PRMT9: variants seen among roughly 807,000 people sequenced by gnomAD.
PRMT9 encodes the protein protein arginine methyltransferase 9.
A neutral mutation model predicts 83.2 loss-of-function variants in PRMT9; 59 were observed. The observed-to-expected ratio is 0.71, with a 90% CI of 0.57 to 0.88. The LOEUF (loss-of-function observed/expected upper bound fraction) is 0.88, where lower values mean the gene tolerates loss of function less well. Ranked by LOEUF, PRMT9 falls within the 40% of genes least tolerant of loss-of-function variation. The pLI is 0.00. For missense variants in PRMT9, 947 were observed against 1,021.9 expected, an observed-to-expected ratio of 0.93 and a Z score of 1.00; for synonymous variants, 333 against 353.2, an observed-to-expected ratio of 0.94 and a Z score of 0.64.
intron 1 of PRMT9, 79 bp downstream of exon 1, chr4:147,683,720 C>CGGTT: frequency 9.5e-7 from 1 of 1,049,862 alleles, no homozygotes; most frequent in Non-Finnish European, 1.4e-6. Flanking sequence ...AGCCCCTCCG[C>CGGTT]TTTTTTTTTT....
Position 147,653,937 on chromosome 4 carries a change from TG to T in PRMT9, c.1959del (p.Asp653GlufsTer6). On this transcript the variant is annotated frameshift_variant, in exon 9 of 12. Transcript: ENST00000322396. LOFTEE classifies it high-confidence loss of function. ...ESAMLQRPKS[D>X]KLWSIIILDV... ...TCCAATATAATTATGCTCCATAACT[TG>T]TCTGATTTTGGCCTTTGTAACATAG... 1 of 1,614,208 alleles carries T rather than the reference TG, an allele frequency of 6.2e-7. No individual in the cohort carries two copies. Among genetic ancestry groups the T allele is most frequent in the Non-Finnish European group, 8.5e-7 (1 of 1,180,018 alleles).
chr4:147,660,841 T>G lies in PRMT9; in HGVS notation c.1146+5A>C. The stretch of plus-strand genomic sequence containing the variant: ...GCTTGAAAATAGTAACTGAATTTTT[T>G]TCACCTGAAGGTTGTTGAAATCTAC... On this transcript the variant is annotated splice_donor_5th_base_variant and intron_variant, in intron 7 of 11. Coordinates refer to ENST00000322396, the MANE Select transcript of PRMT9 (RefSeq NM_138364.4). The G allele has an allele frequency of 6.2e-7, 1 of 1,603,162 alleles. No homozygotes were observed. The highest frequency in any genetic ancestry group is 1.1e-5 in the South Asian group (1 of 90,794).
chr4:147,677,672 G>C (rs1198859893), intron 2 of PRMT9, among the ~76,000 whole-genome samples: 1 of 151,832 alleles, frequency 6.6e-6, no homozygotes, highest in East Asian at 1.9e-4. Context: ...GGCCAGGCTG[G>C]TCTCGAACTC....
chr4:147,638,635 G>C lies in PRMT9; in HGVS notation c.2435C>G (p.Ala812Gly). 1.2e-6 allele frequency: 2 copies of C among 1,613,376 alleles called. No individual in the cohort carries two copies. The highest frequency in any genetic ancestry group is 1.7e-6 in the Non-Finnish European group (2 of 1,179,366). ...GATGGGATTATCTAAAACAACTGCA[G>C]CTTGTTTCCAGTGGGAGGCTTCACT... Reference protein sequence around the residue: ...TSSEASHWKQAAVVLDNPIQV... With the variant: ...TSSEASHWKQGAVVLDNPIQV... The change falls in exon 12 of 12, where the codon GCT becomes GGT. Residue 812 changes from alanine (A) to glycine (G), a missense_variant. By Grantham distance (60) the Ala-to-Gly change is moderately conservative. Transcript: ENST00000322396.
At chr4:147,683,733 CTGTT>C (rs2126646200) in intron 1 of PRMT9, 62 bp downstream of exon 1, 316 of 487,120 alleles carry the variant, frequency 6.5e-4, no homozygotes, top group East Asian at 1.7e-3. Flanking sequence ...TTTTTTTTTT[CTGTT>C]TTTTTTTTTT....
In PRMT9 at chr4:147,683,937, C is replaced by T; in HGVS notation, c.51G>A (p.Gly17=). 1 of 1,612,950 alleles carries T rather than the reference C, an allele frequency of 6.2e-7. No individual in the cohort carries two copies. The highest frequency in any genetic ancestry group is 8.5e-7 in the Non-Finnish European group (1 of 1,179,690). The change falls in exon 1 of 12, where the codon GGG becomes GGA. Residue 17 remains glycine, a synonymous_variant. Coordinates refer to ENST00000322396, the MANE Select transcript of PRMT9 (RefSeq NM_138364.4). ...ACACCAGCTCGTCCCGGCCGGCTGC[C>T]CCAGCGCCACCCCCGGCGTCTCGGC... ...RSRRDAGGGA[G]AAGRDELVSR... is the part of the protein sequence containing the mutation.
intron 2 of PRMT9, among the ~76,000 whole-genome samples, chr4:147,677,407 C>T (rs1007756797): frequency 1.3e-5 from 2 of 150,366 alleles, no homozygotes; most frequent in Non-Finnish European, 3.0e-5. Context: ...ATTTATTAAG[C>T]AGCCTCAACA....
intron 8 of PRMT9, among the ~76,000 whole-genome samples, chr4:147,655,035 G>GT (rs1734388420): frequency 6.6e-6 from 1 of 152,146 alleles, no homozygotes; most frequent in Non-Finnish European, 1.5e-5. Flanking sequence ...CAACAGAATC[G>GT]TATCAGTTAT....
chr4:147,649,948 C>T lies in PRMT9; in HGVS notation c.2045+3904G>A, dbSNP rs113341162. On this transcript the variant is annotated intron_variant, in intron 9 of 11. Coordinates refer to ENST00000322396, the MANE Select transcript of PRMT9 (RefSeq NM_138364.4). ...AAGACCACATGATCATCTCAATGGA[C>T]GCAGAAAAAGCATTTGACAAAAATC... is the stretch of plus-strand genomic sequence containing the variant. Among the ~76,000 whole-genome samples the T allele has an allele frequency of 6.3e-3, 963 of 152,260 alleles. 11 individuals carry two copies. Among genetic ancestry groups the T allele is most frequent in the African/African-American group, 0.021 (869 of 41,538 alleles).
At position 147,638,916 on chromosome 4, in the gene PRMT9, T is replaced by C. The variant is rs776481526; in HGVS notation, c.2322+44A>G. 6 of 1,564,796 alleles carry C rather than the reference T, an allele frequency of 3.8e-6. No individual in the cohort carries two copies. The South Asian group carries it at 5.6e-5, about 15-fold the overall frequency. ...AGTATTACCTAATTTAAGATAATTA[T>C]TCTAAACAATAACAAACGAAATCAT... is the stretch of plus-strand genomic sequence containing the variant. On this transcript the variant is annotated intron_variant, in intron 11 of 11. Coordinates refer to ENST00000322396, the MANE Select transcript of PRMT9 (RefSeq NM_138364.4).
At chr4:147,654,760 T>C (rs940803786) in intron 8 of PRMT9, among the ~76,000 whole-genome samples, 194 bp from the exon 9 acceptor site, 6 of 152,174 alleles carry the variant, frequency 3.9e-5, no homozygotes, top group Non-Finnish European at 5.9e-5. Flanking sequence ...ATTTGAATAC[T>C]CAATTAACCA....
At chr4:147,661,962 G>A (rs1215039438) in intron 6 of PRMT9, among the ~76,000 whole-genome samples, 2 of 152,100 alleles carry the variant, frequency 1.3e-5, no homozygotes, top group Non-Finnish European at 2.9e-5. Flanking sequence ...TTCGAGCTGA[G>A]CATACCTATT....
At chr4:147,667,485 T>C (rs1735420687) in intron 6 of PRMT9, among the ~76,000 whole-genome samples, 1 of 152,240 alleles carries the variant, frequency 6.6e-6, no homozygotes, top group Non-Finnish European at 1.5e-5. Context: ...CAGTACATTC[T>C]AATTCAGCCA....
At chr4:147,647,730 C>A (rs1244245152) in intron 9 of PRMT9, among the ~76,000 whole-genome samples, 1 of 151,984 alleles carries the variant, frequency 6.6e-6, no homozygotes, top group East Asian at 1.9e-4. Context: ...ACCATGTTGG[C>A]CAGGCTAGTC....
At chr4:147,681,316 G>A (rs932308725) in intron 1 of PRMT9, among the ~76,000 whole-genome samples, 5 of 152,184 alleles carry the variant, frequency 3.3e-5, no homozygotes, top group Non-Finnish European at 5.9e-5. Context: ...CAGCCTTAAC[G>A]CTGTCACTCT....
Position 147,683,948 on chromosome 4 carries a change from C to T in PRMT9, c.40G>A (p.Gly14Ser), listed in dbSNP as rs78226695. ...TCCCGGCCGGCTGCCCCAGCGCCACCCCCGGCGTCTCGGCGGGACCTGGGC... is the reference window on the plus strand; with the variant it reads ...TCCCGGCCGGCTGCCCCAGCGCCACTCCCGGCGTCTCGGCGGGACCTGGGC... ...SRPRSRRDAGGGAGAAGRDEL... is the reference protein window; with the variant it reads ...SRPRSRRDAGSGAGAAGRDEL... The change falls in exon 1 of 12, where the codon GGT (glycine) becomes AGT (serine). Residue 14 changes from glycine (G) to serine (S), a missense_variant. Transcript: ENST00000322396. 4.3e-6 allele frequency: 7 copies of T among 1,612,846 alleles called. No homozygotes were observed. Among genetic ancestry groups the T allele is most frequent in the African/African-American group, 2.7e-5 (2 of 74,928 alleles).
rs201070103 is a variant in PRMT9 at position 147,638,584 on chromosome 4, A to G, written c.2486T>C (p.Val829Ala). ...GCTTTTGTGATGCTGAATGCTGAGT[A>G]CAAGTTCCTCTCCCATTTCAACCTG... is the stretch of plus-strand genomic sequence containing the variant. ...PIQVEMGEELVLSIQHHKSNV... is the reference protein window; with the variant it reads ...PIQVEMGEELALSIQHHKSNV... The change falls in exon 12 of 12, where the codon GTA becomes GCA. Residue 829 changes from valine (V) to alanine (A), a missense_variant. Coordinates refer to ENST00000322396, the MANE Select transcript of PRMT9 (RefSeq NM_138364.4). 6.2e-6 allele frequency: 10 copies of G among 1,613,898 alleles called. No homozygotes were observed. In the East Asian group the frequency reaches 2.2e-4, roughly 36 times the overall value.
intron 1 of PRMT9, among the ~76,000 whole-genome samples, chr4:147,680,940 A>G (rs556927845): frequency 1.3e-5 from 2 of 152,354 alleles, no homozygotes; most frequent in South Asian, 4.1e-4. Flanking sequence ...CAACCCGGCA[A>G]TGGATCTCCA....
chr4:147,682,001 A>G (rs148251326), intron 1 of PRMT9, among the ~76,000 whole-genome samples: 105 of 152,108 alleles, frequency 6.9e-4, no homozygotes, highest in Non-Finnish European at 1.3e-3. Context: ...AATTTTAAAT[A>G]TACTTTTTTA....
Sources: gnomAD v4.1 joint callset for allele counts (sites outside exome capture counted in the v4.1 genomes callset) on GRCh38, gnomAD v4.1.1 for gene constraint, MANE v1.5 for transcripts, NCBI Gene and HGNC (gene_info 2026-07-23, HGNC 2026-07-21) for gene names.